Variants in NTRK2 observed in about 807,000 individuals in gnomAD.
The protein encoded by NTRK2 is neurotrophic receptor tyrosine kinase 2.
In NTRK2, 13 loss-of-function variants were observed where a neutral mutation model predicts 94.5. That is an observed-to-expected ratio of 0.14 (90% CI 0.09 to 0.22). NTRK2 has a LOEUF of 0.22. Ranked by LOEUF, NTRK2 falls within the 10% of genes least tolerant of loss-of-function variation. The pLI is 1.00. For synonymous variants in NTRK2, 372 were observed against 407.4 expected, an observed-to-expected ratio of 0.91 and a Z score of 1.05; for missense variants, 639 against 1,071.2, an observed-to-expected ratio of 0.60 and a Z score of 5.63.
At position 84,739,658 on chromosome 9, in the gene NTRK2, C is replaced by G. The variant is rs535333376; in HGVS notation, c.1160-2234C>G. ...AGCGATGGTGACCACAGGCCCTTCT[C>G]TCACATGCGGTGGGGGTCTGTGGGG... On this transcript the variant is annotated intron_variant, in intron 9 of 18. Transcript: ENST00000277120. 2.7e-4 allele frequency among the ~76,000 whole-genome samples: 41 copies of G among 152,284 alleles called. No homozygotes were observed. The East Asian group carries it at 7.7e-3, about 29-fold the overall frequency.
At chr9:84,689,709 T>C (rs1440733988) in intron 2 of NTRK2, among the ~76,000 whole-genome samples, 10 of 152,174 alleles carry the variant, frequency 6.6e-5, no homozygotes, top group Non-Finnish European at 1.5e-5. Context: ...TGTGTAACCA[T>C]CACCACCATC....
chr9:84,850,247 G>T (rs145164250), intron 12 of NTRK2, among the ~76,000 whole-genome samples: 4 of 151,780 alleles, frequency 2.6e-5, no homozygotes, highest in Admixed American at 6.6e-5. Context: ...AACATCAAAC[G>T]CAAAGACACC....
chr9:84,884,712 T>C (rs181295199), intron 14 of NTRK2, among the ~76,000 whole-genome samples: 11 of 152,310 alleles, frequency 7.2e-5, no homozygotes, highest in African/African-American at 2.6e-4. Flanking sequence ...CTGGGAAAAA[T>C]ACAATTTTCT....
chr9:84,801,663 A>G (rs555707889), intron 12 of NTRK2, among the ~76,000 whole-genome samples: 1 of 152,300 alleles, frequency 6.6e-6, no homozygotes, highest in South Asian at 2.1e-4. Context: ...AGGCCAGGCT[A>G]TGCTATGATG....
At chr9:84,767,076 T>A (rs1248493539) in intron 12 of NTRK2, among the ~76,000 whole-genome samples, 2 of 152,192 alleles carry the variant, frequency 1.3e-5, no homozygotes, top group Admixed American at 6.5e-5. Flanking sequence ...TTGACTTATG[T>A]CTTGACTTTT....
At chr9:84,954,594 C>A (rs1017456988) in intron 16 of NTRK2, among the ~76,000 whole-genome samples, 1 of 152,164 alleles carries the variant, frequency 6.6e-6, no homozygotes, top group Non-Finnish European at 1.5e-5. Context: ...GAGGGGTGGA[C>A]AGAAGGAAAT....
At chr9:84,829,585 G>T (rs1421888213) in intron 12 of NTRK2, among the ~76,000 whole-genome samples, 3 of 152,104 alleles carry the variant, frequency 2.0e-5, no homozygotes, top group Non-Finnish European at 4.4e-5. Flanking sequence ...TCTGTCTGTT[G>T]GCCTCTTAAG....
chr9:84,696,692 AC>A (rs759738965), intron 2 of NTRK2, among the ~76,000 whole-genome samples: 7 of 152,366 alleles, frequency 4.6e-5, no homozygotes, highest in Non-Finnish European at 1.0e-4. Flanking sequence ...TTAATTGCAA[AC>A]TTACAAGTGC....
At chr9:84,681,354 C>T (rs958761148) in intron 2 of NTRK2, among the ~76,000 whole-genome samples, 2 of 152,198 alleles carry the variant, frequency 1.3e-5, no homozygotes, top group Non-Finnish European at 2.9e-5. Context: ...TCTCTGTAAC[C>T]CCTACACTCA....
intron 12 of NTRK2, among the ~76,000 whole-genome samples, chr9:84,805,798 A>G (rs939931868): frequency 2.0e-5 from 3 of 152,198 alleles, no homozygotes; most frequent in African/African-American, 7.2e-5. Flanking sequence ...TTGTCACAGG[A>G]GTGGGACTGG....
chr9:84,702,547 T>G, intron 4 of NTRK2, 128 bp downstream of exon 4: 1 of 811,036 alleles, frequency 1.2e-6, no homozygotes, highest in Non-Finnish European at 2.1e-6. Context: ...TGATAATAGC[T>G]TAGAAACATT....
intron 17 of NTRK2, among the ~76,000 whole-genome samples, chr9:85,004,092 AAGGAAGGG>A (rs1264047338): frequency 1.4e-5 from 2 of 142,210 alleles, no homozygotes; most frequent in African/African-American, 2.6e-5. Context: ...GGGAGAGAGA[AAGGAAGGG>A]AGGAAGGGAG....
intron 12 of NTRK2, among the ~76,000 whole-genome samples, chr9:84,837,191 G>A (rs2073928325): frequency 6.6e-6 from 1 of 152,006 alleles, no homozygotes; most frequent in East Asian, 1.9e-4. Flanking sequence ...TCAGGTAGGT[G>A]TTGTTATTCC....
chr9:85,021,004 A>G (rs1832737216), intron 18 of NTRK2, among the ~76,000 whole-genome samples: 1 of 152,186 alleles, frequency 6.6e-6, no homozygotes, highest in Non-Finnish European at 1.5e-5. Context: ...GTTTGGGACC[A>G]TTCCATATAA....
intron 12 of NTRK2, among the ~76,000 whole-genome samples, chr9:84,764,341 C>G (rs1031540977): frequency 3.5e-4 from 53 of 152,288 alleles, no homozygotes; most frequent in African/African-American, 1.3e-3. Context: ...TACTTAATTT[C>G]TAAGGGTTGC....
intron 6 of NTRK2, among the ~76,000 whole-genome samples, chr9:84,713,176 A>T (rs2061516867): frequency 6.6e-6 from 1 of 152,074 alleles, no homozygotes; most frequent in Non-Finnish European, 1.5e-5. Context: ...TTATATGTTT[A>T]TTGGACTGTG....
chr9:84,873,395 T>C (rs199693926), intron 14 of NTRK2: 12 of 1,059,010 alleles, frequency 1.1e-5, no homozygotes, highest in Non-Finnish European at 1.4e-5. Flanking sequence ...TAAAAATTGC[T>C]TCTTTTATGG....
chr9:84,771,735 C>T (rs1024135228), intron 12 of NTRK2, among the ~76,000 whole-genome samples: 1 of 152,186 alleles, frequency 6.6e-6, no homozygotes, highest in Non-Finnish European at 1.5e-5. Context: ...CTGATCCCCA[C>T]AACATGGACA....
intron 12 of NTRK2, among the ~76,000 whole-genome samples, chr9:84,757,261 A>T (rs1012474025): frequency 6.6e-6 from 1 of 152,196 alleles, no homozygotes; most frequent in African/African-American, 2.4e-5. Flanking sequence ...AAACATAAAA[A>T]TGGATGTTCC....
Sources: allele counts gnomAD v4.1 joint callset (sites outside exome capture counted in the v4.1 genomes callset), GRCh38; gene constraint gnomAD v4.1.1; transcripts MANE v1.5; gene names NCBI Gene and HGNC (gene_info 2026-07-23, HGNC 2026-07-21).